MIS18A: variants seen among roughly 807,000 people sequenced by gnomAD.
MIS18A encodes the protein MIS18 kinetochore protein A, also known as protein Mis18-alpha.
In MIS18A, 14 loss-of-function variants were observed where a neutral mutation model predicts 25.0. The observed-to-expected ratio is 0.56, with a 90% CI of 0.37 to 0.88. MIS18A has a LOEUF of 0.88. MIS18A is among the 40% of genes least tolerant of loss of function. The pLI, the probability that MIS18A is intolerant of heterozygous loss-of-function variation, is 0.00. For missense variants in MIS18A, 292 were observed against 290.8 expected, an observed-to-expected ratio of 1.00 and a Z score of -0.03; for synonymous variants, 134 against 118.6, an observed-to-expected ratio of 1.13 and a Z score of -0.84.
chr21:32,246,581 A>C, the MIS18A span, among the ~76,000 whole-genome samples: 1 of 152,324 alleles, frequency 6.6e-6, no homozygotes, highest in South Asian at 2.1e-4. Context: ...AACTGAGGAC[A>C]CAGTGTCCTT....
the MIS18A span, among the ~76,000 whole-genome samples, chr21:32,167,366 A>C: frequency 6.6e-6 from 1 of 152,232 alleles, no homozygotes; most frequent in Admixed American, 6.5e-5. Flanking sequence ...TTTTAAAATA[A>C]CTGTAATTAA....
the MIS18A span, among the ~76,000 whole-genome samples, chr21:32,237,672 C>T: frequency 1.4e-4 from 21 of 152,200 alleles, no homozygotes; most frequent in South Asian, 1.9e-3. Context: ...TCTTTGAGGA[C>T]GAAGCCCTGC....
chr21:32,236,971 G>A, the MIS18A span, among the ~76,000 whole-genome samples: 1 of 152,096 alleles, frequency 6.6e-6, no homozygotes, highest in East Asian at 1.9e-4. Context: ...TGACTTGAGG[G>A]TCTCAGACAC....
the MIS18A span, among the ~76,000 whole-genome samples, chr21:32,207,004 CT>C: frequency 6.6e-6 from 1 of 152,232 alleles, no homozygotes; most frequent in African/African-American, 2.4e-5. Flanking sequence ...CTGCACGCCC[CT>C]TTCCTCATGG....
the MIS18A span, among the ~76,000 whole-genome samples, chr21:32,178,086 T>C: frequency 4.6e-5 from 7 of 151,988 alleles, no homozygotes; most frequent in Non-Finnish European, 1.0e-4. Flanking sequence ...ACTAGGCTAA[T>C]TTTGTTTATT....
chr21:32,222,169 A>G, the MIS18A span, among the ~76,000 whole-genome samples: 3 of 152,184 alleles, frequency 2.0e-5, no homozygotes, highest in East Asian at 5.8e-4. Context: ...CAGACTTTAA[A>G]CCAACAAAGA....
chr21:32,180,215 C>A, the MIS18A span, among the ~76,000 whole-genome samples: 1 of 152,174 alleles, frequency 6.6e-6, no homozygotes, highest in Admixed American at 6.5e-5. Context: ...GACAGGTGAA[C>A]CTACATTGAA....
the MIS18A span, among the ~76,000 whole-genome samples, chr21:32,195,598 A>C: frequency 6.6e-6 from 1 of 152,110 alleles, no homozygotes; most frequent in Non-Finnish European, 1.5e-5. Context: ...CTTTCTGACA[A>C]ATTTCTTAAC....
chr21:32,278,505 A>C, intron 1 of MIS18A, 176 bp downstream of exon 1: 1 of 654,466 alleles, frequency 1.5e-6, no homozygotes, highest in Non-Finnish European at 2.5e-6. Flanking sequence ...CGAGAGCCAA[A>C]GTGGAGGGGT....
At chr21:32,210,588 C>A in the MIS18A span, among the ~76,000 whole-genome samples, 1 of 152,120 alleles carries the variant, frequency 6.6e-6, no homozygotes, top group Non-Finnish European at 1.5e-5. Flanking sequence ...TGAACATTGA[C>A]TTTATGATGT....
At chr21:32,236,784 G>A in the MIS18A span, among the ~76,000 whole-genome samples, 12 of 152,284 alleles carry the variant, frequency 7.9e-5, no homozygotes, top group South Asian at 6.2e-4. Flanking sequence ...CTACCTGCAA[G>A]GGAGGCTGGC....
At position 32,279,031 on chromosome 21, in the gene MIS18A, G is replaced by C; in HGVS notation, c.-17C>G. ...GCCTGCCATTACCTACAAATCGCCC[G>C]CGCCCCAGAGCGCCATGGGAAAAAA... On this transcript the variant is annotated 5_prime_UTR_variant, in exon 1 of 5. Coordinates refer to ENST00000290130, the MANE Select transcript of MIS18A (RefSeq NM_018944.3). The C allele has an allele frequency of 6.4e-7, 1 of 1,570,174 alleles. No individual in the cohort carries two copies. The highest frequency in any genetic ancestry group is 8.6e-7 in the Non-Finnish European group (1 of 1,160,086).
chr21:32,256,572 A>G, the MIS18A span, among the ~76,000 whole-genome samples: 1 of 152,144 alleles, frequency 6.6e-6, no homozygotes, highest in Non-Finnish European at 1.5e-5. Context: ...TGTTTCGCGA[A>G]TGTGCCCTGA....
chr21:32,265,409 G>A (rs1408298481), downstream of MIS18A, among the ~76,000 whole-genome samples: 1 of 152,216 alleles, frequency 6.6e-6, no homozygotes, highest in Non-Finnish European at 1.5e-5. Context: ...TGGGCTTAGT[G>A]GGCCCCGCAC....
the MIS18A span, among the ~76,000 whole-genome samples, chr21:32,155,105 C>T: frequency 6.6e-6 from 1 of 152,098 alleles, no homozygotes; most frequent in African/African-American, 2.4e-5. Flanking sequence ...ACCCAGGAAG[C>T]TTTGTGGTAA....
the MIS18A span, among the ~76,000 whole-genome samples, chr21:32,201,774 A>C: frequency 6.6e-5 from 10 of 152,090 alleles, no homozygotes; most frequent in Non-Finnish European, 1.0e-4. Context: ...TGATCATGCC[A>C]TTGCACTCCA....
chr21:32,196,759 A>G, the MIS18A span, among the ~76,000 whole-genome samples: 1 of 152,076 alleles, frequency 6.6e-6, no homozygotes, highest in Non-Finnish European at 1.5e-5. Context: ...TGGCCAAGCT[A>G]ATGTCTTATA....
At chr21:32,194,605 G>A in the MIS18A span, among the ~76,000 whole-genome samples, 3 of 151,790 alleles carry the variant, frequency 2.0e-5, no homozygotes, top group African/African-American at 7.3e-5. Flanking sequence ...GTTTCGGTGA[G>A]CCAAGATCGT....
At chr21:32,200,757 A>G in the MIS18A span, among the ~76,000 whole-genome samples, 18 of 152,150 alleles carry the variant, frequency 1.2e-4, no homozygotes, top group African/African-American at 4.1e-4. Flanking sequence ...TTCTTTAAAA[A>G]TTAAGGAGAT....
Sources: allele counts gnomAD v4.1 joint callset (sites outside exome capture counted in the v4.1 genomes callset), GRCh38; gene constraint gnomAD v4.1.1; transcripts MANE v1.5; gene names NCBI Gene and HGNC (gene_info 2026-07-23, HGNC 2026-07-21).